The following GJC1 variants were observed in gnomAD, a reference collection of about 807,000 sequenced individuals.
GJC1 encodes the protein gap junction protein gamma 1, also known as gap junction gamma-1 protein.
A neutral mutation model predicts 29.3 loss-of-function variants in GJC1; 5 were observed. That is an observed-to-expected ratio of 0.17 (90% CI 0.09 to 0.36). The LOEUF (loss-of-function observed/expected upper bound fraction) is 0.36. Ranked by LOEUF, GJC1 falls within the 10% of genes least tolerant of loss-of-function variation. The pLI is 1.00. For synonymous variants in GJC1, 177 were observed against 183.3 expected (o/e 0.97, Z 0.28); for missense variants, 310 against 496.2 (o/e 0.62, Z 3.56).
intron 2 of GJC1, among the ~76,000 whole-genome samples, chr17:44,806,650 A>G (rs2049917720): frequency 6.6e-6 from 1 of 152,016 alleles, no homozygotes; most frequent in African/African-American, 2.4e-5. Flanking sequence ...TGGCCTCTCA[A>G]AGTGCTGGGA....
At chr17:44,825,393 G>A (rs1281930181) in intron 1 of GJC1, among the ~76,000 whole-genome samples, 2 of 152,050 alleles carry the variant, frequency 1.3e-5, no homozygotes, top group South Asian at 2.1e-4. Context: ...GGGAGGCTGA[G>A]GCAAGAGAAT....
In GJC1 at chr17:44,798,766, C is replaced by T. The variant is rs2049805208; in HGVS notation, c.*5861G>A. ...CACTTAGTGCCTGAGGTAGAGATTT[C>T]TGTAAGAGATTTTTTTAAAACACAA... On this transcript the variant is annotated 3_prime_UTR_variant, in exon 3 of 3. Transcript: ENST00000592524. 1 of 152,192 alleles carries T rather than the reference C, an allele frequency of 6.6e-6. No individual in the cohort carries two copies. Among genetic ancestry groups the T allele is most frequent in the South Asian group, 2.1e-4 (1 of 4,832 alleles). 9.4% of individuals were successfully genotyped at this position (152,192 alleles called of 1,614,324 possible). A position where few individuals can be genotyped will look rare whatever the true frequency, so the allele number is the denominator to read the frequency against.
At chr17:44,808,957 C>T (rs1444948565) in intron 1 of GJC1, among the ~76,000 whole-genome samples, 1 of 152,052 alleles carries the variant, frequency 6.6e-6, no homozygotes, top group Non-Finnish European at 1.5e-5. Context: ...GCCTGTAATC[C>T]CAGCTATTTG....
At chr17:44,808,347 A>G (rs1452102010) in intron 1 of GJC1, among the ~76,000 whole-genome samples, 2 of 152,058 alleles carry the variant, frequency 1.3e-5, no homozygotes, top group Admixed American at 6.6e-5. Context: ...ATCTTTCCAA[A>G]TTTTAAAAAA....
chr17:44,801,397 C>T lies in GJC1; in HGVS notation c.*3230G>A, dbSNP rs978709499. On this transcript the variant is annotated 3_prime_UTR_variant, in exon 3 of 3. Transcript: ENST00000592524. ...AGCAGGTGAAGGACTAAGCACTCAA[C>T]TTGTATTTGGAGGAGAAGCAAGTGT... is the stretch of plus-strand genomic sequence containing the variant. 1.3e-5 allele frequency: 2 copies of T among 152,196 alleles called. No homozygotes were observed. The highest frequency in any genetic ancestry group is 4.8e-5 in the African/African-American group (2 of 41,440). The allele number at this position is 152,196 out of a possible 1,614,324, so 9.4% of individuals were successfully genotyped here. A position where few individuals can be genotyped will look rare whatever the true frequency, so the allele number is the denominator to read the frequency against.
At chr17:44,819,759 A>G (rs569501115) in intron 1 of GJC1, among the ~76,000 whole-genome samples, 1 of 152,282 alleles carries the variant, frequency 6.6e-6, no homozygotes, top group South Asian at 2.1e-4. Context: ...GTATGTACAT[A>G]CCACGTTTTT....
chr17:44,814,437 G>C (rs1004517116), intron 1 of GJC1, among the ~76,000 whole-genome samples: 1 of 151,928 alleles, frequency 6.6e-6, no homozygotes, highest in African/African-American at 2.4e-5. Flanking sequence ...ACCACACCCA[G>C]CCCTGAACAT....
At chr17:44,798,100 C>A (rs940844604), downstream of GJC1, among the ~76,000 whole-genome samples, 2 of 152,182 alleles carry the variant, frequency 1.3e-5, no homozygotes, top group Non-Finnish European at 2.9e-5. Flanking sequence ...TGAGCTTAGA[C>A]CCCAGCCTCC....
intron 1 of GJC1, among the ~76,000 whole-genome samples, chr17:44,814,203 T>C (rs922054916): frequency 5.3e-5 from 8 of 152,158 alleles, no homozygotes; most frequent in East Asian, 3.9e-4. Context: ...TGCAGTGGCC[T>C]GATCTTGGCT....
chr17:44,828,898 A>T (rs542973694), intron 1 of GJC1, among the ~76,000 whole-genome samples: 9 of 152,138 alleles, frequency 5.9e-5, no homozygotes, highest in African/African-American at 2.2e-4. Context: ...TTTTCTACAG[A>T]TATTAAAGTA....
At chr17:44,819,659 AAAATAAATAAATAAATAAATAAAT>A (rs199517100) in intron 1 of GJC1, among the ~76,000 whole-genome samples, 31 of 146,256 alleles carry the variant, frequency 2.1e-4, no homozygotes, top group Non-Finnish European at 3.3e-4. Context: ...CTCCGTCTCA[AAAATAAATAAATAAATAAATAAAT>A]AAATAAATAA....
At position 44,800,966 on chromosome 17, in the gene GJC1, ATCT is replaced by A. The variant is rs1555555985; in HGVS notation, c.*3658_*3660del. 1 of 151,866 alleles carries A rather than the reference ATCT, an allele frequency of 6.6e-6. No individual in the cohort carries two copies. The highest frequency in any genetic ancestry group is 1.5e-5 in the Non-Finnish European group (1 of 67,986). The allele number at this position is 151,866 out of a possible 1,614,324, so 9.4% of individuals were successfully genotyped here. On this transcript the variant is annotated 3_prime_UTR_variant, in exon 3 of 3. Transcript: ENST00000592524. ...AAAAAAAAGCCTATTTCTTTTACAAATCTTCTGAATAACGGGTTTTAAGAGCAG... is the reference window on the plus strand; with the variant it reads ...AAAAAAAAGCCTATTTCTTTTACAAATCTGAATAACGGGTTTTAAGAGCAG...
At chr17:44,807,288 G>A (rs753579087) in intron 2 of GJC1, 106 bp downstream of exon 2, 2 of 152,206 alleles carry the variant, frequency 1.3e-5, no homozygotes, top group East Asian at 1.9e-4. Flanking sequence ...ATAAAGCCCC[G>A]ACACAAAGTA....
rs747075875 is a variant in GJC1, at chr17:44,805,318, C to T, written c.500G>A (p.Arg167Gln). The T allele has an allele frequency of 4.8e-5, 78 of 1,614,074 alleles. No homozygotes were observed. Among genetic ancestry groups the T allele is most frequent in the Non-Finnish European group, 6.3e-5 (74 of 1,180,040 alleles). The part of the protein sequence containing the change: ...QPKPKHDGRR[R>Q]IREDGLMKIY... Reference sequence around the variant, plus strand: ...TTTCATGAGCCCATCTTCCCGAATCCGTCGTCGGCCATCATGCTTAGGTTT... The same window carrying T: ...TTTCATGAGCCCATCTTCCCGAATCTGTCGTCGGCCATCATGCTTAGGTTT... The change falls in exon 3 of 3, where the codon CGG (arginine) becomes CAG (glutamine). Residue 167 changes from arginine (R) to glutamine (Q), a missense_variant. Coordinates refer to ENST00000592524, the MANE Select transcript of GJC1 (RefSeq NM_005497.4). This position sits in a 1 kb window ranked among gnomAD's most constrained non-coding sequence, Gnocchi z 5.1.
intron 1 of GJC1, among the ~76,000 whole-genome samples, chr17:44,828,603 C>G (rs568021798): frequency 1.3e-5 from 2 of 152,112 alleles, no homozygotes; most frequent in Non-Finnish European, 2.9e-5. Context: ...AGCTTTTTAC[C>G]TTCTACCCAG....
chr17:44,827,449 GA>G (rs1211029169), intron 1 of GJC1, among the ~76,000 whole-genome samples: 1 of 152,062 alleles, frequency 6.6e-6, no homozygotes, highest in Non-Finnish European at 1.5e-5. Flanking sequence ...CATAAGTTCA[GA>G]AATAAGTAAT....
chr17:44,829,253 A>G (rs2050204874), intron 1 of GJC1, among the ~76,000 whole-genome samples: 1 of 152,084 alleles, frequency 6.6e-6, no homozygotes, highest in Admixed American at 6.6e-5. Flanking sequence ...ACAAAATCTA[A>G]ACCATACATT....
intron 1 of GJC1, chr17:44,813,279 C>G (rs548753122): frequency 1.3e-5 from 2 of 151,632 alleles, no homozygotes; most frequent in Non-Finnish European, 2.9e-5. Flanking sequence ...AGTCTGGTCT[C>G]GAACTCCTGA....
Position 44,802,125 on chromosome 17 carries a change from G to A in GJC1, c.*2502C>T, listed in dbSNP as rs914807149. 5.3e-5 allele frequency: 8 copies of A among 152,164 alleles called. No homozygotes were observed. The highest frequency in any genetic ancestry group is 7.3e-5 in the Non-Finnish European group (5 of 68,034). The allele number at this position is 152,164 out of a possible 1,614,324, so 9.4% of individuals were successfully genotyped here. ...TATATGTACTTTAAGAAGCTGACGC[G>A]TTATCCAGACACAAAAGATAACATT... On this transcript the variant is annotated 3_prime_UTR_variant, in exon 3 of 3. Coordinates refer to ENST00000592524, the MANE Select transcript of GJC1 (RefSeq NM_005497.4).
Sources: gnomAD v4.1 joint callset for allele counts (sites outside exome capture counted in the v4.1 genomes callset) on GRCh38, gnomAD v4.1.1 for gene constraint, Gnocchi (gnomAD v3.1) non-coding constraint, MANE v1.5 for transcripts, NCBI Gene and HGNC (gene_info 2026-07-23, HGNC 2026-07-21) for gene names.